ST6GAL1: variants seen among roughly 807,000 people sequenced by gnomAD.
ST6GAL1 encodes the protein beta-galactoside alpha-2,6-sialyltransferase 1.
Under a neutral mutation model 38.0 loss-of-function variants are expected in ST6GAL1, and 20 were observed. The observed-to-expected ratio is 0.53, with a 90% CI of 0.37 to 0.77. The LOEUF (loss-of-function observed/expected upper bound fraction) is 0.77, where lower values mean the gene tolerates loss of function less well. Among genes scored for constraint, ST6GAL1 ranks in the 30% least tolerant of loss-of-function variants. The probability of loss-of-function intolerance (pLI) is 0.00; values close to 1 mark genes in which losing one functional copy is unlikely to be tolerated. For synonymous variants in ST6GAL1, 196 were observed against 188.2 expected (o/e 1.04, Z -0.34); for missense variants, 432 against 496.4 (o/e 0.87, Z 1.23).
intron 2 of ST6GAL1, among the ~76,000 whole-genome samples, chr3:187,036,185 A>G (rs765325879): frequency 1.3e-5 from 2 of 152,210 alleles, no homozygotes; most frequent in African/African-American, 2.4e-5. Flanking sequence ...AGAAAAGCAA[A>G]CAAAAGCACA....
chr3:187,024,264 T>C (rs2108567584), intron 2 of ST6GAL1, among the ~76,000 whole-genome samples: 1 of 151,688 alleles, frequency 6.6e-6, no homozygotes, highest in African/African-American at 2.4e-5. Flanking sequence ...TGGCTAATTT[T>C]TTGTATTTTT....
Position 186,930,598 on chromosome 3 carries a change from T to G in ST6GAL1, c.-561T>G, listed in dbSNP as rs2108510303. ...CCCCCGTTCTTCCCCAGCGGACCCC[T>G]CTTTCGAGACTCCCTAGTGGGGTCC... On this transcript the variant is annotated 5_prime_UTR_variant, in exon 1 of 8. Coordinates refer to ENST00000169298, the MANE Select transcript of ST6GAL1 (RefSeq NM_173216.2). The G allele has an allele frequency of 6.5e-6, 1 of 152,680 alleles. No individual in the cohort carries two copies. The highest frequency in any genetic ancestry group is 1.9e-4 in the East Asian group (1 of 5,176). The allele number at this position is 152,680 out of a possible 1,614,324, so 9.5% of individuals were successfully genotyped here.
chr3:186,970,317 C>T (rs989831937), intron 2 of ST6GAL1, among the ~76,000 whole-genome samples: 1 of 150,988 alleles, frequency 6.6e-6, no homozygotes, highest in Non-Finnish European at 1.5e-5. Context: ...CAGGTTCAAG[C>T]AGTTCTCCTG....
intron 4 of ST6GAL1, among the ~76,000 whole-genome samples, chr3:187,045,535 GC>G (rs1167773012): frequency 1.3e-5 from 2 of 152,162 alleles, no homozygotes; most frequent in Non-Finnish European, 2.9e-5. Flanking sequence ...TTCCTAACAT[GC>G]CTTGCTCTTT....
At chr3:187,025,013 G>T (rs75338500) in intron 2 of ST6GAL1, among the ~76,000 whole-genome samples, 2 of 151,280 alleles carry the variant, frequency 1.3e-5, no homozygotes, top group African/African-American at 4.9e-5. Flanking sequence ...GTGTGTGTGT[G>T]TGTGTGTCTG....
intron 5 of ST6GAL1, among the ~76,000 whole-genome samples, chr3:187,069,453 T>C (rs551989636): frequency 2.3e-4 from 35 of 152,208 alleles, no homozygotes; most frequent in Non-Finnish European, 4.3e-4. Context: ...CCTTTTTCTC[T>C]GTTCTTATGC....
chr3:187,033,224 G>A lies in ST6GAL1; in HGVS notation c.-182-5518G>A, dbSNP rs528338143. 5.3e-5 allele frequency among the ~76,000 whole-genome samples: 8 copies of A among 152,278 alleles called. No individual in the cohort carries two copies. The East Asian group carries it at 9.6e-4, about 18-fold the overall frequency. ...AGGTCAGGAGTTGAAGACCAGCCTG[G>A]CCAACATGGTGAAACCCCATCTCTA... On this transcript the variant is annotated intron_variant, in intron 2 of 7. Coordinates refer to ENST00000169298, the MANE Select transcript of ST6GAL1 (RefSeq NM_173216.2).
At chr3:186,972,460 G>C (rs1183725283) in intron 2 of ST6GAL1, among the ~76,000 whole-genome samples, 1 of 152,062 alleles carries the variant, frequency 6.6e-6, no homozygotes, top group Non-Finnish European at 1.5e-5. Flanking sequence ...ATGTTGACCA[G>C]GCTGGTCTCA....
chr3:187,071,901 C>T (rs1379991766), intron 5 of ST6GAL1: 2 of 151,924 alleles, frequency 1.3e-5, no homozygotes, highest in African/African-American at 4.8e-5. Flanking sequence ...GTATCCAAGA[C>T]CAGTATCTTT....
Position 187,068,277 on chromosome 3 carries a change from G to C in ST6GAL1, c.706-4572G>C, listed in dbSNP as rs193057260. Among the ~76,000 whole-genome samples the C allele has an allele frequency of 3.4e-3, 507 of 150,978 alleles. 3 individuals are homozygous for C. The highest frequency in any genetic ancestry group is 0.011 in the African/African-American group (455 of 40,760). ...GAATCACTTGAACCTGGGTGGCGGA[G>C]GTTGCAGTGAGCCAAGATCGTGCCA... is the stretch of plus-strand genomic sequence containing the variant. On this transcript the variant is annotated intron_variant, in intron 5 of 7. Coordinates refer to ENST00000169298, the MANE Select transcript of ST6GAL1 (RefSeq NM_173216.2).
At chr3:187,049,137 C>T (rs1035766892) in intron 4 of ST6GAL1, among the ~76,000 whole-genome samples, 1 of 152,092 alleles carries the variant, frequency 6.6e-6, no homozygotes, top group Non-Finnish European at 1.5e-5. Flanking sequence ...GTGATCCACC[C>T]GCCTCGGCCT....
At chr3:186,996,686 A>G (rs1449661914) in intron 2 of ST6GAL1, 1 of 152,184 alleles carries the variant, frequency 6.6e-6, no homozygotes, top group South Asian at 2.1e-4. Context: ...ATCTCTGGTG[A>G]CAGGGCTCAT....
chr3:186,982,916 A>C (rs560199985), intron 2 of ST6GAL1, among the ~76,000 whole-genome samples: 1 of 148,760 alleles, frequency 6.7e-6, no homozygotes, highest in Non-Finnish European at 1.5e-5. Flanking sequence ...TCCTGACCTC[A>C]GGTGATCCAG....
chr3:187,024,401 T>A (rs1003512493), intron 2 of ST6GAL1, among the ~76,000 whole-genome samples: 2 of 146,344 alleles, frequency 1.4e-5, no homozygotes, highest in African/African-American at 2.5e-5. Context: ...CCTAAATGTT[T>A]TATATATATA....
chr3:186,977,468 C>G (rs1177630006), intron 2 of ST6GAL1, among the ~76,000 whole-genome samples: 3 of 152,166 alleles, frequency 2.0e-5, no homozygotes, highest in African/African-American at 4.8e-5. Context: ...AATGCCCTTG[C>G]CGGGAACAGC....
chr3:187,012,546 G>T (rs747852680), intron 2 of ST6GAL1, among the ~76,000 whole-genome samples: 20 of 152,084 alleles, frequency 1.3e-4, no homozygotes, highest in Non-Finnish European at 2.2e-4. Context: ...GAGCCACCTC[G>T]CCCAGCTGCA....
intron 2 of ST6GAL1, among the ~76,000 whole-genome samples, chr3:186,978,563 T>C (rs1205332517): frequency 1.3e-5 from 2 of 152,208 alleles, no homozygotes; most frequent in Non-Finnish European, 2.9e-5. Flanking sequence ...GAAAAGATGG[T>C]CTCTGGCACC....
intron 1 of ST6GAL1, among the ~76,000 whole-genome samples, chr3:186,936,902 A>G (rs1288072513): frequency 7.0e-6 from 1 of 143,010 alleles, no homozygotes; most frequent in Non-Finnish European, 1.5e-5. Flanking sequence ...AGATTGTATT[A>G]CTGTACTCCA....
chr3:186,971,949 C>T (rs972753877), intron 2 of ST6GAL1, among the ~76,000 whole-genome samples: 2 of 152,236 alleles, frequency 1.3e-5, no homozygotes, highest in Non-Finnish European at 2.9e-5. Flanking sequence ...GCATCTTCTA[C>T]TCTTTCCTCT....
Sources: allele counts gnomAD v4.1 joint callset (sites outside exome capture counted in the v4.1 genomes callset), GRCh38; gene constraint gnomAD v4.1.1; transcripts MANE v1.5; gene names NCBI Gene and HGNC (gene_info 2026-07-23, HGNC 2026-07-21).